Variants in CERT1 observed in about 807,000 individuals in gnomAD.
CERT1 encodes ceramide transporter 1.
In CERT1, 31 loss-of-function variants were observed where a neutral mutation model predicts 87.9. The ratio of observed to expected loss-of-function variants is 0.35; its 90% CI spans 0.27 to 0.48. CERT1 has a LOEUF of 0.48. CERT1 is among the 20% of genes least tolerant of loss of function. The probability of loss-of-function intolerance (pLI) is 0.99; values close to 1 mark genes in which losing one functional copy is unlikely to be tolerated. For missense variants in CERT1, 487 were observed against 758.0 expected, an observed-to-expected ratio of 0.64 and a Z score of 4.20; for synonymous variants, 289 against 250.9, an observed-to-expected ratio of 1.15 and a Z score of -1.44.
intron 1 of CERT1, among the ~76,000 whole-genome samples, chr5:75,508,664 C>T (rs1178692717): frequency 1.3e-5 from 2 of 152,076 alleles, no homozygotes; most frequent in Non-Finnish European, 1.5e-5. Flanking sequence ...GGCCAGCAGA[C>T]ACAAACTCAA....
At chr5:75,508,008 G>GT (rs960960345) in intron 1 of CERT1, among the ~76,000 whole-genome samples, 3 of 151,880 alleles carry the variant, frequency 2.0e-5, no homozygotes, top group South Asian at 2.1e-4. Flanking sequence ...AGTATCTTCT[G>GT]TTTTTTTCAT....
At chr5:75,495,943 A>G (rs1004330032) in intron 2 of CERT1, among the ~76,000 whole-genome samples, 2 of 152,020 alleles carry the variant, frequency 1.3e-5, no homozygotes, top group Non-Finnish European at 2.9e-5. Context: ...TGAAAAAAAA[A>G]TAAATAAATA....
intron 2 of CERT1, among the ~76,000 whole-genome samples, chr5:75,468,166 C>G (rs1333073618): frequency 2.0e-5 from 3 of 152,216 alleles, no homozygotes; most frequent in Non-Finnish European, 4.4e-5. Context: ...CTCCAGTGAT[C>G]ATCCCCCTGT....
At chr5:75,479,039 A>G (rs1455680004) in intron 2 of CERT1, among the ~76,000 whole-genome samples, 1 of 151,882 alleles carries the variant, frequency 6.6e-6, no homozygotes, top group Non-Finnish European at 1.5e-5. Context: ...TAAGTACAGT[A>G]ATGGATTATA....
At chr5:75,490,677 T>C (rs1766747299) in intron 2 of CERT1, among the ~76,000 whole-genome samples, 1 of 152,080 alleles carries the variant, frequency 6.6e-6, no homozygotes, top group Non-Finnish European at 1.5e-5. Context: ...TTTTTATATC[T>C]TTAGTAGAGA....
downstream of CERT1, chr5:75,375,582 A>T (rs980730519): frequency 3.0e-5 from 4 of 133,866 alleles, no homozygotes; most frequent in Non-Finnish European, 6.2e-5. Context: ...ATGCTGTCTC[A>T]AAATAAATAA....
rs869232885 is a variant in CERT1 at position 75,406,542 on chromosome 5, CT to C, written c.931-3485del. Among the ~76,000 whole-genome samples the C allele has an allele frequency of 6.2e-3, 869 of 139,286 alleles. 1 individual carries two copies. The highest frequency in any genetic ancestry group is 7.6e-3 in the East Asian group (37 of 4,842). 91.4% of individuals were successfully genotyped at this position (139,286 alleles called of 152,430 possible). On this transcript the variant is annotated intron_variant, in intron 8 of 16. Transcript: ENST00000643780. ...TGTAGTGCCCTACATTATGGTAAGT[CT>C]TTTTTTTTTTTTTTTGAGATGGAGT...
intron 3 of CERT1, among the ~76,000 whole-genome samples, chr5:75,435,462 G>C (rs942076158): frequency 6.6e-6 from 1 of 152,134 alleles, no homozygotes; most frequent in Non-Finnish European, 1.5e-5. Flanking sequence ...GCCATTGCTG[G>C]GGAGCTAGGT....
intron 2 of CERT1, among the ~76,000 whole-genome samples, chr5:75,500,979 T>C (rs1440997035): frequency 1.3e-5 from 2 of 151,106 alleles, no homozygotes; most frequent in East Asian, 2.0e-4. Flanking sequence ...TATATCTCCA[T>C]TGTCTGTTTT....
intron 1 of CERT1, among the ~76,000 whole-genome samples, chr5:75,506,715 A>G (rs1381230518): frequency 6.6e-6 from 1 of 152,200 alleles, no homozygotes; most frequent in Non-Finnish European, 1.5e-5. Context: ...ACAGAACTGA[A>G]TAATATTAAA....
At chr5:75,468,627 G>C (rs1175641528) in intron 2 of CERT1, among the ~76,000 whole-genome samples, 1 of 152,118 alleles carries the variant, frequency 6.6e-6, no homozygotes, top group African/African-American at 2.4e-5. Flanking sequence ...CTCAGTAACA[G>C]GTAGGCCTCA....
intron 13 of CERT1, among the ~76,000 whole-genome samples, chr5:75,385,588 T>G (rs943022848): frequency 2.6e-5 from 4 of 152,244 alleles, no homozygotes; most frequent in Non-Finnish European, 5.9e-5. Context: ...AGTCTTGGCT[T>G]CTCCACCATA....
In CERT1 at chr5:75,481,692, C is replaced by T. The variant is rs146066244; in HGVS notation, c.232-22511G>A. On this transcript the variant is annotated intron_variant, in intron 2 of 16. Transcript: ENST00000643780. ...AAGCTAATTATAACTATTAATTATTCATTTCCAGTTCTTTCATATAACATA... is the reference window on the plus strand; with the variant it reads ...AAGCTAATTATAACTATTAATTATTTATTTCCAGTTCTTTCATATAACATA... 9.2e-5 allele frequency among the ~76,000 whole-genome samples: 14 copies of T among 152,248 alleles called. No homozygotes were observed. In the East Asian group the frequency reaches 2.5e-3, roughly 27 times the overall value.
intron 5 of CERT1, among the ~76,000 whole-genome samples, chr5:75,420,427 T>C (rs1318136224): frequency 6.7e-6 from 1 of 150,250 alleles, no homozygotes; most frequent in East Asian, 2.0e-4. Flanking sequence ...CACTGCAAGC[T>C]CCACCTCCCG....
intron 2 of CERT1, among the ~76,000 whole-genome samples, chr5:75,478,930 A>C (rs956232990): frequency 6.7e-6 from 1 of 149,812 alleles, no homozygotes; most frequent in African/African-American, 2.4e-5. Flanking sequence ...AAAAAAAAAA[A>C]AAAAAAAAAG....
chr5:75,484,974 A>G (rs1766439046), intron 2 of CERT1, among the ~76,000 whole-genome samples: 1 of 152,168 alleles, frequency 6.6e-6, no homozygotes, highest in South Asian at 2.1e-4. Flanking sequence ...AGGCCACAAA[A>G]TAAATCAAAA....
chr5:75,509,698 C>T (rs1767827467), intron 1 of CERT1, among the ~76,000 whole-genome samples: 1 of 152,022 alleles, frequency 6.6e-6, no homozygotes, highest in South Asian at 2.1e-4. Flanking sequence ...TAACACATCA[C>T]AATACTAATA....
At chr5:75,427,860 A>G (rs1763688292) in intron 3 of CERT1, among the ~76,000 whole-genome samples, 1 of 152,244 alleles carries the variant, frequency 6.6e-6, no homozygotes, top group Non-Finnish European at 1.5e-5. Context: ...ACAAAAAGCT[A>G]CATTGTATTT....
At chr5:75,406,792 G>A (rs962867778) in intron 8 of CERT1, among the ~76,000 whole-genome samples, 10 of 152,018 alleles carry the variant, frequency 6.6e-5, no homozygotes, top group Admixed American at 2.6e-4. Flanking sequence ...TGATCTGCCC[G>A]CCTCGGCCTC....
Sources: gnomAD v4.1 joint callset for allele counts (sites outside exome capture counted in the v4.1 genomes callset) on GRCh38, gnomAD v4.1.1 for gene constraint, MANE v1.5 for transcripts, NCBI Gene and HGNC (gene_info 2026-07-23, HGNC 2026-07-21) for gene names.